The following PFKP variants were observed in gnomAD, a reference collection of about 807,000 sequenced individuals.
The protein encoded by PFKP is phosphofructokinase, platelet.
In PFKP, 101 loss-of-function variants were observed where a neutral mutation model predicts 94.3. The ratio of observed to expected loss-of-function variants is 1.07; its 90% CI spans 0.91 to 1.26. The LOEUF (loss-of-function observed/expected upper bound fraction) is 1.26, where lower values mean the gene tolerates loss of function less well. Among genes scored for constraint, PFKP ranks in the 50% most tolerant of loss-of-function variants. PFKP has a pLI of 0.00. For synonymous variants in PFKP, 573 were observed against 432.6 expected (o/e 1.32, Z -4.03); for missense variants, 1,145 against 1,103.3 (o/e 1.04, Z -0.53).
Position 3,120,117 on chromosome 10 carries a change from C to T in PFKP, c.1683+73C>T. 6.5e-6 allele frequency: 8 copies of T among 1,231,676 alleles called. No individual in the cohort carries two copies. The South Asian group carries it at 9.8e-5, about 15-fold the overall frequency. 76.3% of individuals were successfully genotyped at this position (1,231,676 alleles called of 1,614,324 possible). A position where few individuals can be genotyped will look rare whatever the true frequency, so the allele number is the denominator to read the frequency against. On this transcript the variant is annotated intron_variant, in intron 16 of 21. Coordinates refer to ENST00000381125, the MANE Select transcript of PFKP (RefSeq NM_002627.5). ...CCGGGGCCCCGGCCCTTTTTATCTA[C>T]CAGTGCGCTAGAAATAGCCTTTTAC...
intron 1 of PFKP, among the ~76,000 whole-genome samples, chr10:3,074,608 G>A (rs1170420715): frequency 6.6e-6 from 1 of 152,220 alleles, no homozygotes. Flanking sequence ...CCCGCCAAGG[G>A]GACCCAGAGA....
At chr10:3,121,166 G>GAA (rs1040157205) in intron 16 of PFKP, among the ~76,000 whole-genome samples, 1 of 152,146 alleles carries the variant, frequency 6.6e-6, no homozygotes, top group Non-Finnish European at 1.5e-5. Flanking sequence ...CTTTGCGAAG[G>GAA]AAACCTGCCC....
At chr10:3,123,800 G>T (rs1010152135) in intron 16 of PFKP, among the ~76,000 whole-genome samples, 1 of 152,258 alleles carries the variant, frequency 6.6e-6, no homozygotes, top group African/African-American at 2.4e-5. Context: ...CTGGCATTTG[G>T]ATTGAAGTCC....
chr10:3,073,560 C>T (rs993705644), intron 1 of PFKP, among the ~76,000 whole-genome samples: 1 of 151,906 alleles, frequency 6.6e-6, no homozygotes, highest in Non-Finnish European at 1.5e-5. Flanking sequence ...AGATCAGCTT[C>T]TCCACTTCTC....
intron 18 of PFKP, among the ~76,000 whole-genome samples, chr10:3,132,943 C>T (rs1417598547): frequency 6.6e-6 from 1 of 152,234 alleles, no homozygotes; most frequent in East Asian, 1.9e-4. Context: ...CATCACGCTA[C>T]TCAGAATGGT....
chr10:3,104,043 T>C, intron 5 of PFKP, 99 bp downstream of exon 5: 4 of 1,093,598 alleles, frequency 3.7e-6, no homozygotes, highest in Non-Finnish European at 5.2e-6. Context: ...AGATTGGGTG[T>C]CCTGGTGCTG....
chr10:3,105,651 C>T (rs541429430), intron 7 of PFKP, 150 bp downstream of exon 7: 43 of 645,344 alleles, frequency 6.7e-5, no homozygotes, highest in South Asian at 1.8e-4. Context: ...GGACTGTGAG[C>T]GTGGGGCATG....
At chr10:3,101,583 C>A (rs372174558) in intron 4 of PFKP, 29 bp downstream of exon 4, 1 of 1,456,084 alleles carries the variant, frequency 6.9e-7, no homozygotes, top group Admixed American at 2.6e-5. Context: ...CTCTGTCCTG[C>A]GGGTTTTCGC....
rs925379817 is a variant in PFKP, at chr10:3,136,633, C to T, written c.*54C>T. 3.8e-6 allele frequency: 6 copies of T among 1,582,952 alleles called. No homozygotes were observed. Among genetic ancestry groups the T allele is most frequent in the African/African-American group, 2.7e-5 (2 of 74,316 alleles). The stretch of plus-strand genomic sequence containing the variant: ...CACCGTGGACTGTCTGTTTTTGTAA[C>T]ACTTAAGTTATTTTATCAGCACTTT... On this transcript the variant is annotated 3_prime_UTR_variant, in exon 22 of 22. Transcript: ENST00000381125.
At chr10:3,100,085 G>GT (rs1564296451) in intron 3 of PFKP, among the ~76,000 whole-genome samples, 30 of 139,410 alleles carry the variant, frequency 2.2e-4, no homozygotes, top group Admixed American at 4.3e-4. Flanking sequence ...GTGTGTGTGT[G>GT]AAAGAGAGTG....
In PFKP at chr10:3,091,554, C is replaced by T. The variant is rs554203683; in HGVS notation, c.187-7721C>T. 2.0e-5 allele frequency among the ~76,000 whole-genome samples: 3 copies of T among 152,158 alleles called. No homozygotes were observed. The South Asian group carries it at 6.2e-4, about 32-fold the overall frequency. On this transcript the variant is annotated intron_variant, in intron 2 of 21. Coordinates refer to ENST00000381125, the MANE Select transcript of PFKP (RefSeq NM_002627.5). ...TTCTTGCCGAGCACCGTGGCTCATA[C>T]TTGTAGTCCCAGTACTTTGGGAGGC... is the stretch of plus-strand genomic sequence containing the variant.
At chr10:3,117,323 A>AC (rs1378313610) in intron 14 of PFKP, among the ~76,000 whole-genome samples, 1 of 152,080 alleles carries the variant, frequency 6.6e-6, no homozygotes, top group Non-Finnish European at 1.5e-5. Context: ...TCTTTTTCAG[A>AC]CCTACAGTAA....
intron 16 of PFKP, 76 bp downstream of exon 16, chr10:3,120,120 G>C (rs762107464): frequency 1.7e-6 from 2 of 1,206,494 alleles, no homozygotes; most frequent in Non-Finnish European, 2.4e-6. Flanking sequence ...TTATCTACCA[G>C]TGCGCTAGAA....
At chr10:3,088,699 A>AT (rs906647735) in intron 2 of PFKP, among the ~76,000 whole-genome samples, 41 of 152,172 alleles carry the variant, frequency 2.7e-4, no homozygotes, top group East Asian at 1.9e-3. Flanking sequence ...GGTACATGTG[A>AT]TTTTTTTAAA....
At chr10:3,104,030 T>G (rs1429492531) in intron 5 of PFKP, 86 bp downstream of exon 5, 1 of 1,283,208 alleles carries the variant, frequency 7.8e-7, no homozygotes, top group Non-Finnish European at 1.1e-6. Flanking sequence ...TAGAACATTC[T>G]GCAGATTGGG....
At chr10:3,097,085 C>CA (rs1271824827) in intron 2 of PFKP, among the ~76,000 whole-genome samples, 1 of 51,110 alleles carries the variant, frequency 2.0e-5, no homozygotes, top group Non-Finnish European at 4.0e-5. Flanking sequence ...CTCAAAAAAA[C>CA]AAAAAACAAA....
chr10:3,134,772 C>G (rs1588587063), intron 20 of PFKP, among the ~76,000 whole-genome samples, 190 bp downstream of exon 20: 2 of 152,224 alleles, frequency 1.3e-5, no homozygotes, highest in East Asian at 3.8e-4. Flanking sequence ...GGGATAAGAT[C>G]AGCTTGGGTA....
At chr10:3,133,999 C>T (rs747954561) in intron 19 of PFKP, among the ~76,000 whole-genome samples, 8 of 152,226 alleles carry the variant, frequency 5.3e-5, no homozygotes, top group South Asian at 2.1e-4. Flanking sequence ...CAGGCACACA[C>T]GTGTTATGAG....
intron 14 of PFKP, among the ~76,000 whole-genome samples, chr10:3,118,324 C>T (rs187302527): frequency 9.2e-5 from 14 of 152,086 alleles, no homozygotes; most frequent in African/African-American, 2.2e-4. Context: ...AAAAATTAGC[C>T]GGGCGTGGTG....
Sources: gnomAD v4.1 joint callset for allele counts (sites outside exome capture counted in the v4.1 genomes callset) on GRCh38, gnomAD v4.1.1 for gene constraint, MANE v1.5 for transcripts, NCBI Gene and HGNC (gene_info 2026-07-23, HGNC 2026-07-21) for gene names.